RARS1: variants seen among roughly 807,000 people sequenced by gnomAD.
RARS1 encodes the protein arginyl-tRNA synthetase 1, also known as arginine--tRNA ligase, cytoplasmic.
A neutral mutation model predicts 78.7 loss-of-function variants in RARS1; 75 were observed. The observed-to-expected ratio is 0.95, with a 90% CI of 0.79 to 1.15. RARS1 has a LOEUF of 1.15. RARS1 is among the 50% of genes most tolerant of loss of function. The pLI, the probability that RARS1 is intolerant of heterozygous loss-of-function variation, is 0.00. For missense variants in RARS1, 787 were observed against 787.5 expected (o/e 1.00, Z 0.01); for synonymous variants, 273 against 268.2 (o/e 1.02, Z -0.18).
Position 168,501,957 on chromosome 5 carries a change from A to G in RARS1, c.953-44A>G, listed in dbSNP as rs570789781. ...GATGCATGTTTCCTGTTTTTAAAAA[A>G]TTCTTATGCATTTTATTTGGTGGCA... On this transcript the variant is annotated intron_variant, in intron 8 of 14. Coordinates refer to ENST00000231572, the MANE Select transcript of RARS1 (RefSeq NM_002887.4). 12 of 1,559,592 alleles carry G rather than the reference A, an allele frequency of 7.7e-6. No homozygotes were observed. The South Asian group carries it at 1.4e-4, about 18-fold the overall frequency.
Position 168,486,535 on chromosome 5 carries a change from C to T in RARS1, c.37C>T (p.Leu13=). 1 of 1,558,072 alleles carries T rather than the reference C, an allele frequency of 6.4e-7. No homozygotes were observed. Among genetic ancestry groups the T allele is most frequent in the African/African-American group, 1.4e-5 (1 of 73,974 alleles). ...GGTGTCTGAGTGCTCCGCGCGGCTG[C>T]TGCAGCAGGTTTGGACGCAGGAGAC... The part of the protein sequence containing the change: ...VLVSECSARL[L]QQEEEIKSLT... Residue 13 remains leucine, a synonymous_variant, in exon 1 of 15, where the codon CTG becomes TTG. Transcript: ENST00000231572.
intron 7 of RARS1, among the ~76,000 whole-genome samples, chr5:168,498,521 A>G (rs1402399552): frequency 6.6e-6 from 1 of 152,192 alleles, no homozygotes; most frequent in African/African-American, 2.4e-5. Context: ...TATATTTAAT[A>G]TTGCAAACTT....
intron 10 of RARS1, 100 bp from the exon 11 acceptor site, chr5:168,506,622 C>A: frequency 1.2e-6 from 1 of 837,418 alleles, no homozygotes. Context: ...GATTTATGAG[C>A]GATTTGAATT....
At chr5:168,490,545 G>A (rs1758061943) in intron 2 of RARS1, among the ~76,000 whole-genome samples, 1 of 152,150 alleles carries the variant, frequency 6.6e-6, no homozygotes, top group Non-Finnish European at 1.5e-5. Context: ...TTGGTTCTTT[G>A]ACAAATACTT....
At chr5:168,516,375 AATT>A (rs1377165332) in intron 12 of RARS1, among the ~76,000 whole-genome samples, 1 of 152,112 alleles carries the variant, frequency 6.6e-6, no homozygotes, top group Non-Finnish European at 1.5e-5. Flanking sequence ...CCTTGATTTC[AATT>A]AATTATTTAA....
chr5:168,498,306 A>G (rs966744690), intron 7 of RARS1, among the ~76,000 whole-genome samples: 3 of 152,160 alleles, frequency 2.0e-5, no homozygotes, highest in East Asian at 1.9e-4. Flanking sequence ...TTATTAATCA[A>G]TGCATTATAG....
Position 168,500,682 on chromosome 5 carries a change from C to T in RARS1, c.914C>T (p.Thr305Ile), listed in dbSNP as rs751685178. The T allele has an allele frequency of 7.5e-6, 12 of 1,609,920 alleles. No individual in the cohort carries two copies. In the African/African-American group the frequency reaches 1.5e-4, roughly 20 times the overall value. ...CTCCAGGGTAAAAACCCAGATATTA[C>T]AAAAGCTTGGAAGCTTATCTGTGAT... is the stretch of plus-strand genomic sequence containing the variant. ...VLLQGKNPDI[T>I]KAWKLICDVS... The change falls in exon 8 of 15, where the codon ACA (threonine) becomes ATA (isoleucine). Residue 305 changes from threonine to isoleucine, a missense_variant. Thr to Ile is a moderately conservative substitution (Grantham distance 89). Transcript: ENST00000231572.
Position 168,506,108 on chromosome 5 carries a change from A to G in RARS1, c.1145A>G (p.Tyr382Cys), listed in dbSNP as rs1450317706. The G allele has an allele frequency of 6.2e-7, 1 of 1,603,188 alleles. No individual in the cohort carries two copies. Among genetic ancestry groups the G allele is most frequent in the African/African-American group, 1.3e-5 (1 of 74,490 alleles). The part of the protein sequence containing the change: ...PLTIVKSDGG[Y>C]TYDTSDLAAI... ...ACCATAGTAAAATCAGATGGAGGTT[A>G]TACCTATGATACATCTGACCTGGCT... is the stretch of plus-strand genomic sequence containing the variant. The change falls in exon 10 of 15, where the codon TAT (tyrosine) becomes TGT (cysteine). Residue 382 changes from tyrosine to cysteine, a missense_variant. Tyr to Cys is a radical substitution (Grantham distance 194, BLOSUM62 -2). Coordinates refer to ENST00000231572, the MANE Select transcript of RARS1 (RefSeq NM_002887.4).
chr5:168,500,282 G>GT (rs1758290740), intron 7 of RARS1, among the ~76,000 whole-genome samples: 1 of 150,094 alleles, frequency 6.7e-6, no homozygotes, highest in South Asian at 2.1e-4. Flanking sequence ...AGAAAATTCA[G>GT]TCCTACCTGT....
intron 12 of RARS1, among the ~76,000 whole-genome samples, chr5:168,514,164 T>A (rs982594746): frequency 6.6e-6 from 1 of 152,212 alleles, no homozygotes; most frequent in Admixed American, 6.5e-5. Context: ...TTTTTAGTAC[T>A]TTGACTAAGA....
At chr5:168,507,080 G>T (rs1419110630) in intron 11 of RARS1, among the ~76,000 whole-genome samples, 1 of 151,966 alleles carries the variant, frequency 6.6e-6, no homozygotes, top group Non-Finnish European at 1.5e-5. Context: ...ATATATAAGG[G>T]GTTTCCTCTC....
Position 168,518,071 on chromosome 5 carries a change from CTTTTTTTTT to C in RARS1, c.1873+25_1873+33del, listed in dbSNP as rs747777615. On this transcript the variant is annotated intron_variant, in intron 14 of 14. Transcript: ENST00000231572. The stretch of plus-strand genomic sequence containing the variant: ...GAAAGATAGACAGACTGGTGAGTGT[CTTTTTTTTT>C]TTTTTTTTTTTTTTTAGTGAGAGAC... 93 of 748,084 alleles carry C rather than the reference CTTTTTTTTT, an allele frequency of 1.2e-4. 2 individuals carry two copies. The highest frequency in any genetic ancestry group is 1.0e-3 in the African/African-American group (22 of 21,414). The allele number at this position is 748,084 out of a possible 1,614,324, so 46.3% of individuals were successfully genotyped here. A position where few individuals can be genotyped will look rare whatever the true frequency, so the allele number is the denominator to read the frequency against.
chr5:168,498,268 T>A (rs1013179945), intron 7 of RARS1, among the ~76,000 whole-genome samples: 69 of 151,842 alleles, frequency 4.5e-4, no homozygotes, highest in Middle Eastern at 3.4e-3. Flanking sequence ...TAAAAAAAAA[T>A]GAATTATACC....
chr5:168,500,043 G>A (rs112929633), intron 7 of RARS1, among the ~76,000 whole-genome samples: 1 of 151,444 alleles, frequency 6.6e-6, no homozygotes, highest in Non-Finnish European at 1.5e-5. Flanking sequence ...CAAAAATTAG[G>A]CGGGTGTGAT....
chr5:168,495,405 C>A lies in RARS1; in HGVS notation c.670C>A (p.Leu224Ile). Residue 224 changes from leucine to isoleucine, a missense_variant, in exon 6 of 15, where the codon CTC (leucine) becomes ATC (isoleucine). Physicochemically the swap from Leu to Ile is conservative, Grantham distance 5. Coordinates refer to ENST00000231572, the MANE Select transcript of RARS1 (RefSeq NM_002887.4). The part of the protein sequence containing the change: ...STIIGESISR[L>I]FEFAGYDVLR... ...TATCATAGGAGAGAGTATAAGCCGCCTCTTTGAATTTGCAGGGTATGACGT... is the reference window on the plus strand; with the variant it reads ...TATCATAGGAGAGAGTATAAGCCGCATCTTTGAATTTGCAGGGTATGACGT... The A allele has an allele frequency of 6.2e-7, 1 of 1,613,926 alleles. No individual in the cohort carries two copies. Among genetic ancestry groups the A allele is most frequent in the Non-Finnish European group, 8.5e-7 (1 of 1,179,898 alleles).
chr5:168,487,370 CA>C (rs1031773184), intron 1 of RARS1, among the ~76,000 whole-genome samples: 32 of 140,534 alleles, frequency 2.3e-4, no homozygotes, highest in Non-Finnish European at 2.8e-4. Flanking sequence ...CGTCCCCCTA[CA>C]AAAAAAAAAA....
chr5:168,494,013 A>T lies in RARS1; in HGVS notation c.478+11A>T. On this transcript the variant is annotated intron_variant, in intron 4 of 14. Coordinates refer to ENST00000231572, the MANE Select transcript of RARS1 (RefSeq NM_002887.4). ...AAATTGCTGGTCCTGGTATGACATA[A>T]TGTTATCCTTCTTAATAGTTGTATT... The T allele has an allele frequency of 6.4e-7, 1 of 1,570,806 alleles. No homozygotes were observed.
Position 168,516,828 on chromosome 5 carries a change from C to T in RARS1, c.1503C>T (p.Gly501=). Residue 501 remains glycine, a synonymous_variant, in exon 13 of 15, where the codon GGC becomes GGT. Coordinates refer to ENST00000231572, the MANE Select transcript of RARS1 (RefSeq NM_002887.4). ...CTGCTCAGACATCCGTTGCGTATGG[C>T]TGCATCAAATATGCTGACCTTTCCC... ...LNAAQTSVAY[G]CIKYADLSHN... The T allele has an allele frequency of 6.2e-7, 1 of 1,614,168 alleles. No homozygotes were observed.
At chr5:168,491,907 G>A (rs1435975159) in intron 2 of RARS1, among the ~76,000 whole-genome samples, 1 of 149,802 alleles carries the variant, frequency 6.7e-6, no homozygotes, top group Non-Finnish European at 1.5e-5. Flanking sequence ...TGTATAGGCA[G>A]CATGTTTATC....
Sources: gnomAD v4.1 joint callset for allele counts (sites outside exome capture counted in the v4.1 genomes callset) on GRCh38, gnomAD v4.1.1 for gene constraint, MANE v1.5 for transcripts, NCBI Gene and HGNC (gene_info 2026-07-23, HGNC 2026-07-21) for gene names.